B3GALT1: variants seen among roughly 807,000 people sequenced by gnomAD.
B3GALT1 encodes beta-1,3-galactosyltransferase 1, also known as UDP-Gal:betaGlcNAc beta 1,3-galactosyltransferase, polypeptide 1.
In B3GALT1, 10 loss-of-function variants were observed where a neutral mutation model predicts 23.2. The observed-to-expected ratio is 0.43, with a 90% CI of 0.27 to 0.73. B3GALT1 has a LOEUF of 0.73. Among genes scored for constraint, B3GALT1 ranks in the 30% least tolerant of loss-of-function variants. The probability of loss-of-function intolerance (pLI) is 0.21; values close to 1 mark genes in which losing one functional copy is unlikely to be tolerated. For synonymous variants in B3GALT1, 156 were observed against 141.5 expected, an observed-to-expected ratio of 1.10 and a Z score of -0.73; for missense variants, 299 against 405.4, an observed-to-expected ratio of 0.74 and a Z score of 2.25.
At chr2:167,456,630 AT>A (rs1699177524) in intron 1 of B3GALT1, among the ~76,000 whole-genome samples, 1 of 152,188 alleles carries the variant, frequency 6.6e-6, no homozygotes, top group South Asian at 2.1e-4. Context: ...GTTCCCTCGA[AT>A]CCCCCCTCAG....
chr2:167,509,429 T>TAC (rs1699970481), intron 2 of B3GALT1, among the ~76,000 whole-genome samples: 1 of 152,062 alleles, frequency 6.6e-6, no homozygotes, highest in African/African-American at 2.4e-5. Context: ...ACTATATATA[T>TAC]ACATATGTGT....
intron 2 of B3GALT1, among the ~76,000 whole-genome samples, chr2:167,516,933 TA>T (rs1314967981): frequency 2.3e-5 from 3 of 129,438 alleles, no homozygotes; most frequent in Admixed American, 8.0e-5. Context: ...ATATGACATA[TA>T]AGTACTTCTG....
At chr2:167,359,655 A>T (rs1442205557) in intron 1 of B3GALT1, among the ~76,000 whole-genome samples, 1 of 152,130 alleles carries the variant, frequency 6.6e-6, no homozygotes, top group African/African-American at 2.4e-5. Flanking sequence ...AATACTTAGC[A>T]CCTTTTTCTT....
At chr2:167,710,943 G>C (rs538358985) in intron 3 of B3GALT1, among the ~76,000 whole-genome samples, 1 of 152,120 alleles carries the variant, frequency 6.6e-6, no homozygotes, top group East Asian at 1.9e-4. Flanking sequence ...CAGATTAGTG[G>C]CCCTGTGTAA....
At chr2:167,518,019 TACA>T (rs368748683) in intron 2 of B3GALT1, among the ~76,000 whole-genome samples, 3 of 151,788 alleles carry the variant, frequency 2.0e-5, no homozygotes, top group Non-Finnish European at 4.4e-5. Context: ...GGTCTAAATT[TACA>T]ACAACAACAA....
rs1697124884 is a variant in B3GALT1, at chr2:167,340,205, ATCTCC to A, written c.-511+46874_-511+46878del. 2.0e-5 allele frequency among the ~76,000 whole-genome samples: 3 copies of A among 151,926 alleles called. No individual in the cohort carries two copies. The South Asian group carries it at 6.2e-4, about 32-fold the overall frequency. Reference sequence around the variant, plus strand: ...TAGGAGTACCAGTTTGACCTTGATCATCTCCTCAACCTCTTTTTCCCTAGGTTCAC... The same window carrying A: ...TAGGAGTACCAGTTTGACCTTGATCATCAACCTCTTTTTCCCTAGGTTCAC... On this transcript the variant is annotated intron_variant, in intron 1 of 4. Coordinates refer to ENST00000392690, the MANE Select transcript of B3GALT1 (RefSeq NM_020981.4).
chr2:167,810,106 G>C (rs1688853691), intron 3 of B3GALT1, among the ~76,000 whole-genome samples: 1 of 147,126 alleles, frequency 6.8e-6, no homozygotes, highest in Non-Finnish European at 1.5e-5. Flanking sequence ...TAATCTCCTG[G>C]TGTGCGGCTT....
At chr2:167,523,311 G>A (rs1387528311) in intron 2 of B3GALT1, among the ~76,000 whole-genome samples, 3 of 151,830 alleles carry the variant, frequency 2.0e-5, no homozygotes, top group Admixed American at 6.6e-5. Flanking sequence ...TTACAAAATC[G>A]CAAATTACTA....
Position 167,662,510 on chromosome 2 carries a change from G to C in B3GALT1, c.-352+15544G>C, listed in dbSNP as rs552076087. Among the ~76,000 whole-genome samples the C allele has an allele frequency of 1.2e-4, 19 of 152,182 alleles. No individual in the cohort carries two copies. In the South Asian group the frequency reaches 3.3e-3, roughly 27 times the overall value. On this transcript the variant is annotated intron_variant, in intron 3 of 4. Transcript: ENST00000392690. ...CCCTCCAACAATCAGTGCCCAGTTG[G>C]CACCAGTATGGAATGGCATCATGTC...
At chr2:167,581,684 G>A (rs979326207) in intron 2 of B3GALT1, among the ~76,000 whole-genome samples, 14 of 152,146 alleles carry the variant, frequency 9.2e-5, no homozygotes, top group Non-Finnish European at 1.8e-4. Flanking sequence ...GAACTGTATT[G>A]CAAGACCAAC....
chr2:167,835,241 C>T (rs1689435286), intron 4 of B3GALT1, among the ~76,000 whole-genome samples: 1 of 151,712 alleles, frequency 6.6e-6, no homozygotes, highest in African/African-American at 2.4e-5. Context: ...TTGCCTCACA[C>T]AGGAAGCGCA....
At chr2:167,787,395 C>T (rs550618522) in intron 3 of B3GALT1, among the ~76,000 whole-genome samples, 22 of 152,236 alleles carry the variant, frequency 1.4e-4, no homozygotes, top group African/African-American at 4.6e-4. Context: ...CAGAAATGAA[C>T]AAACTGAATA....
At chr2:167,604,752 G>A (rs1684933403) in intron 2 of B3GALT1, among the ~76,000 whole-genome samples, 2 of 152,178 alleles carry the variant, frequency 1.3e-5, no homozygotes, top group South Asian at 4.1e-4. Context: ...GCCTACACAG[G>A]CAGGAAATGG....
intron 3 of B3GALT1, among the ~76,000 whole-genome samples, chr2:167,768,253 A>G (rs1170662733): frequency 6.6e-6 from 1 of 152,252 alleles, no homozygotes; most frequent in Non-Finnish European, 1.5e-5. Context: ...AGGTATTTAT[A>G]AAATATGTAG....
At chr2:167,549,039 A>T (rs1274531601) in intron 2 of B3GALT1, among the ~76,000 whole-genome samples, 1 of 152,212 alleles carries the variant, frequency 6.6e-6, no homozygotes, top group African/African-American at 2.4e-5. Context: ...CTATCCAAAT[A>T]GGTTGTAATC....
chr2:167,314,324 C>G (rs530569884), intron 1 of B3GALT1, among the ~76,000 whole-genome samples: 3 of 152,266 alleles, frequency 2.0e-5, no homozygotes, highest in African/African-American at 7.2e-5. Flanking sequence ...CCTATCAGCA[C>G]TAGACTGAGT....
chr2:167,491,659 A>G (rs1457293098), intron 2 of B3GALT1, among the ~76,000 whole-genome samples: 1 of 151,778 alleles, frequency 6.6e-6, no homozygotes, highest in Non-Finnish European at 1.5e-5. Context: ...CTAAAAATAC[A>G]AAAAAATTAC....
intron 3 of B3GALT1, among the ~76,000 whole-genome samples, chr2:167,797,736 T>A (rs1454065115): frequency 6.6e-6 from 1 of 152,054 alleles, no homozygotes; most frequent in Non-Finnish European, 1.5e-5. Flanking sequence ...TGAGATAGAG[T>A]CTTGCTCTGT....
At chr2:167,486,196 TA>T (rs1299484105) in intron 1 of B3GALT1, among the ~76,000 whole-genome samples, 1 of 151,186 alleles carries the variant, frequency 6.6e-6, no homozygotes, top group Non-Finnish European at 1.5e-5. Context: ...CCAACTCTAC[TA>T]AAAATACAAA....
Sources: gnomAD v4.1 joint callset for allele counts (sites outside exome capture counted in the v4.1 genomes callset) on GRCh38, gnomAD v4.1.1 for gene constraint, MANE v1.5 for transcripts, NCBI Gene and HGNC (gene_info 2026-07-23, HGNC 2026-07-21) for gene names.